The following ATP13A4 variants were observed in gnomAD, a reference collection of about 807,000 sequenced individuals.
ATP13A4 encodes probable cation-transporting ATPase 13A4.
ATP13A4 carries 114 observed loss-of-function variants against 142.5 expected under a neutral mutation model. That is an observed-to-expected ratio of 0.80 (90% confidence interval 0.69 to 0.93). The LOEUF (loss-of-function observed/expected upper bound fraction) is 0.93. Ranked by LOEUF, ATP13A4 falls within the 40% of genes least tolerant of loss-of-function variation. ATP13A4 has a pLI of 0.00. For missense variants in ATP13A4, 1,392 were observed against 1,454.0 expected (o/e 0.96, Z 0.69); for synonymous variants, 488 against 514.8 (o/e 0.95, Z 0.70).
intron 2 of ATP13A4, among the ~76,000 whole-genome samples, chr3:193,507,827 G>A (rs1160323280): frequency 1.3e-5 from 2 of 152,060 alleles, no homozygotes. Context: ...CACATCCTTA[G>A]TTCTCACAAG....
chr3:193,483,898 A>C, intron 8 of ATP13A4, 38 bp downstream of exon 8: 1 of 1,412,582 alleles, frequency 7.1e-7, no homozygotes, highest in Non-Finnish European at 1.0e-6. Flanking sequence ...TTCTGATTCC[A>C]TGTGAATAGC....
chr3:193,464,926 T>G lies in ATP13A4; in HGVS notation c.1461+14A>C, dbSNP rs12696666. 369,333 of 1,609,846 alleles carry G rather than the reference T, an allele frequency of 0.23. 43,772 individuals carry two copies. The highest frequency in any genetic ancestry group is 0.29 in the African/African-American group (21,800 of 74,834). On this transcript the variant is annotated intron_variant, in intron 12 of 29. Transcript: ENST00000342695. ...GTAAAAATGATGATAAGAATAAGGA[T>G]GAAACACACATACCTTGTCAAAGCA...
In ATP13A4 at chr3:193,400,846, C is replaced by T. The variant is rs893036874; in HGVS notation, c.*1806G>A. Among the ~76,000 whole-genome samples, 1 of 152,320 alleles carries T rather than the reference C, an allele frequency of 6.6e-6. No individual in the cohort carries two copies. Among genetic ancestry groups the T allele is most frequent in the South Asian group, 2.1e-4 (1 of 4,828 alleles). ...ATCTCTAGCTTGCCCCTGCCTACAA[C>T]CCTCTACTTTTGGAAAATGAGAAAC... On this transcript the variant is annotated 3_prime_UTR_variant, in exon 30 of 30. Coordinates refer to ENST00000342695, the MANE Select transcript of ATP13A4 (RefSeq NM_032279.4).
intron 16 of ATP13A4, 62 bp downstream of exon 16, chr3:193,456,938 G>T: frequency 6.5e-7 from 1 of 1,549,888 alleles, no homozygotes. Flanking sequence ...ATCAAATGCA[G>T]TGGGAACATA....
At chr3:193,538,771 A>G (rs1210791674) in intron 1 of ATP13A4, among the ~76,000 whole-genome samples, 1 of 152,102 alleles carries the variant, frequency 6.6e-6, no homozygotes, top group Non-Finnish European at 1.5e-5. Context: ...CCAGATAGAA[A>G]ATGTTTTAAG....
At position 193,420,457 on chromosome 3, in the gene ATP13A4, C is replaced by T. The variant is rs146655860; in HGVS notation, c.2843-5707G>A. 3.8e-3 allele frequency among the ~76,000 whole-genome samples: 566 copies of T among 149,834 alleles called. 32 individuals carry two copies. Among genetic ancestry groups the T allele is most frequent in the African/African-American group, 0.013 (533 of 40,756 alleles). ...TTGATGCAGAAACAAAAAGGAAATA[C>T]GAAAGAGCGAGACAATATGATATCA... On this transcript the variant is annotated intron_variant, in intron 25 of 29. Transcript: ENST00000342695.
intron 25 of ATP13A4, among the ~76,000 whole-genome samples, chr3:193,422,971 T>C (rs1295291296): frequency 6.7e-6 from 1 of 148,928 alleles, no homozygotes; most frequent in Non-Finnish European, 1.5e-5. Flanking sequence ...CAACAAACCA[T>C]AGCCAGACTA....
At chr3:193,543,641 G>T (rs1347640595) in intron 1 of ATP13A4, among the ~76,000 whole-genome samples, 1 of 152,092 alleles carries the variant, frequency 6.6e-6, no homozygotes, top group Non-Finnish European at 1.5e-5. Flanking sequence ...TCTGAATGTA[G>T]AATGCTACAA....
chr3:193,409,312 G>A (rs532448493), intron 28 of ATP13A4, among the ~76,000 whole-genome samples: 114 of 152,142 alleles, frequency 7.5e-4, no homozygotes, highest in African/African-American at 2.7e-3. Context: ...TTCCTTGCCC[G>A]CACATTCTAC....
intron 1 of ATP13A4, 99 bp downstream of exon 1, chr3:193,554,641 G>A: frequency 7.1e-7 from 1 of 1,413,482 alleles, no homozygotes; most frequent in Non-Finnish European, 9.9e-7. Context: ...GTCTGTGTGT[G>A]TGTGATGCGT....
At chr3:193,417,596 CTG>C (rs1715130334) in intron 25 of ATP13A4, among the ~76,000 whole-genome samples, 1 of 152,190 alleles carries the variant, frequency 6.6e-6, no homozygotes. Flanking sequence ...GGGTAAAAGA[CTG>C]AGAACTTTGT....
intron 3 of ATP13A4, among the ~76,000 whole-genome samples, chr3:193,500,765 C>T (rs543936278): frequency 6.6e-6 from 1 of 152,236 alleles, no homozygotes; most frequent in African/African-American, 2.4e-5. Flanking sequence ...CCTTTAAATG[C>T]CCCTAAATGG....
intron 25 of ATP13A4, among the ~76,000 whole-genome samples, chr3:193,427,753 C>T (rs930198564): frequency 3.3e-4 from 50 of 152,244 alleles, no homozygotes; most frequent in African/African-American, 9.9e-4. Context: ...AAAGCTGAAA[C>T]TGGATCCCTT....
At chr3:193,433,348 T>A (rs1246479576) in intron 25 of ATP13A4, among the ~76,000 whole-genome samples, 3 of 151,998 alleles carry the variant, frequency 2.0e-5, no homozygotes, top group Admixed American at 1.3e-4. Context: ...AATAAAAAAA[T>A]TTTCCATTGC....
chr3:193,513,223 A>G (rs1721230146), intron 2 of ATP13A4, among the ~76,000 whole-genome samples: 2 of 152,204 alleles, frequency 1.3e-5, no homozygotes, highest in South Asian at 4.1e-4. Context: ...TCCAGTTCTC[A>G]GTTTCATTGG....
At chr3:193,573,851 G>T (rs13067143) in intron 2 of ATP13A4, among the ~76,000 whole-genome samples, 79,496 of 152,036 alleles carry the variant, frequency 0.52, 21,500 homozygotes, top group African/African-American at 0.65. Flanking sequence ...TCTGGGTAAG[G>T]TCTCTTCCAG....
At chr3:193,440,419 CTCCCAAGTGATTA>C (rs1454714072) in intron 21 of ATP13A4, 126 bp downstream of exon 21, 6 of 1,478,282 alleles carry the variant, frequency 4.1e-6, no homozygotes, top group Non-Finnish European at 5.5e-6. Flanking sequence ...TTCTCCAAAG[CTCCCAAGTGATTA>C]TCTCATGCAG....
chr3:193,555,745 T>C (rs566994946), upstream of ATP13A4, among the ~76,000 whole-genome samples: 1 of 152,302 alleles, frequency 6.6e-6, no homozygotes, highest in East Asian at 1.9e-4. Context: ...ATTGTTATTA[T>C]AAGAGATGGA....
chr3:193,545,910 G>C (rs1577069629), intron 1 of ATP13A4, among the ~76,000 whole-genome samples: 1 of 151,364 alleles, frequency 6.6e-6, no homozygotes, highest in East Asian at 1.9e-4. Flanking sequence ...AAAAAAAAAT[G>C]AGTATTACTT....
Sources: allele counts gnomAD v4.1 joint callset (sites outside exome capture counted in the v4.1 genomes callset), GRCh38; gene constraint gnomAD v4.1.1; transcripts MANE v1.5; gene names NCBI Gene and HGNC (gene_info 2026-07-23, HGNC 2026-07-21).